AFAP1L1: variants seen among roughly 807,000 people sequenced by gnomAD.
AFAP1L1 encodes actin filament associated protein 1 like 1.
Under a neutral mutation model 99.8 loss-of-function variants are expected in AFAP1L1, and 77 were observed. That is an observed-to-expected ratio of 0.77 (90% CI 0.64 to 0.93). The LOEUF is 0.93. AFAP1L1 is among the 40% of genes least tolerant of loss of function. AFAP1L1 has a pLI of 0.00. For missense variants in AFAP1L1, 893 were observed against 996.8 expected, an observed-to-expected ratio of 0.90 and a Z score of 1.40; for synonymous variants, 373 against 395.3, an observed-to-expected ratio of 0.94 and a Z score of 0.67.
intron 5 of AFAP1L1, among the ~76,000 whole-genome samples, chr5:149,305,861 G>A (rs1756388860): frequency 6.9e-6 from 1 of 145,654 alleles, no homozygotes; most frequent in Non-Finnish European, 1.5e-5. Context: ...GCAAAAATCA[G>A]AGCTGCGACC....
chr5:149,341,551 T>A lies in AFAP1L1; in HGVS notation c.*1521T>A, dbSNP rs1335951783. ...GAAGATTTAATAAGATAATATATAG[T>A]AGGCATCTTGCATAGTGTCTGAGAA... On this transcript the variant is annotated 3_prime_UTR_variant, in exon 19 of 19. Transcript: ENST00000296721. 2 of 152,218 alleles carry A rather than the reference T, an allele frequency of 1.3e-5. No homozygotes were observed. The highest frequency in any genetic ancestry group is 2.9e-5 in the Non-Finnish European group (2 of 68,034). 9.4% of individuals were successfully genotyped at this position (152,218 alleles called of 1,614,324 possible). A position where few individuals can be genotyped will look rare whatever the true frequency, so the allele number is the denominator to read the frequency against.
At chr5:149,337,184 C>G (rs1311517000) in intron 18 of AFAP1L1, among the ~76,000 whole-genome samples, 1 of 152,056 alleles carries the variant, frequency 6.6e-6, no homozygotes, top group African/African-American at 2.4e-5. Flanking sequence ...TCAAAGGATA[C>G]AAAGTTTCAG....
chr5:149,305,316 A>G (rs368527093), intron 5 of AFAP1L1, among the ~76,000 whole-genome samples: 23 of 152,340 alleles, frequency 1.5e-4, no homozygotes, highest in African/African-American at 3.6e-4. Flanking sequence ...ATTGATCCCA[A>G]AGCACATGCT....
chr5:149,314,629 A>C lies in AFAP1L1; in HGVS notation c.1021-1192A>C, dbSNP rs547506931. ...GCCATAACTTCTGTTTCACCATTTG[A>C]AGAGGTGATTCTTTATTCTTGACAG... On this transcript the variant is annotated intron_variant, in intron 9 of 18. Coordinates refer to ENST00000296721, the MANE Select transcript of AFAP1L1 (RefSeq NM_152406.4). Among the ~76,000 whole-genome samples the C allele has an allele frequency of 5.9e-5, 9 of 152,300 alleles. No individual in the cohort carries two copies. In the East Asian group the frequency reaches 1.7e-3, roughly 29 times the overall value.
At chr5:149,313,922 C>T (rs1348914931) in intron 9 of AFAP1L1, among the ~76,000 whole-genome samples, 1 of 152,172 alleles carries the variant, frequency 6.6e-6, no homozygotes, top group South Asian at 2.1e-4. Context: ...AAGCATGGAA[C>T]TGAAAACGGC....
Position 149,322,693 on chromosome 5 carries a change from G to A in AFAP1L1, c.1786G>A (p.Val596Ile). The A allele has an allele frequency of 1.3e-6, 2 of 1,588,416 alleles. No homozygotes were observed. The highest frequency in any genetic ancestry group is 1.8e-5 in the Admixed American group (1 of 56,900). Residue 596 changes from valine (V) to isoleucine (I), a missense_variant, in exon 15 of 19, where the codon GTC becomes ATC. Transcript: ENST00000296721. ...GAAGTCCCATCGTGTGGACCCGCAG[G>A]TCAAAGTCAAACGCCACGCCTCCAG... ...SEKSHRVDPQ[V>I]KVKRHASSAN...
chr5:149,295,743 T>C (rs1191226204), intron 1 of AFAP1L1, among the ~76,000 whole-genome samples: 11 of 152,176 alleles, frequency 7.2e-5, no homozygotes, highest in Admixed American at 7.2e-4. Context: ...AGTTTTAAAG[T>C]GTAGCTAGGG....
chr5:149,313,061 G>C (rs1224576364), intron 9 of AFAP1L1, among the ~76,000 whole-genome samples: 1 of 151,864 alleles, frequency 6.6e-6, no homozygotes, highest in Non-Finnish European at 1.5e-5. Flanking sequence ...GGGAGGCAGA[G>C]GTTGTGGTGA....
At position 149,317,845 on chromosome 5, in the gene AFAP1L1, G is replaced by A. The variant is rs753270486; in HGVS notation, c.1384G>A (p.Ala462Thr). The A allele has an allele frequency of 2.1e-5, 33 of 1,609,612 alleles. No homozygotes were observed. Among genetic ancestry groups the A allele is most frequent in the South Asian group, 5.6e-5 (5 of 89,966 alleles). The change falls in exon 12 of 19, where the codon GCC becomes ACC. Residue 462 changes from alanine (A) to threonine (T), a missense_variant. Physicochemically the swap from Ala to Thr is moderately conservative, Grantham distance 58. Coordinates refer to ENST00000296721, the MANE Select transcript of AFAP1L1 (RefSeq NM_152406.4). ...CCTGCGAACCCATGTGAACGCCATCGCCCTGCAAGGCTGTGAGGTGGCCCC... is the reference window on the plus strand; with the variant it reads ...CCTGCGAACCCATGTGAACGCCATCACCCTGCAAGGCTGTGAGGTGGCCCC... ...MDLRTHVNAI[A>T]LQGCEVAPGF...
At chr5:149,333,247 A>G (rs1249504302) in intron 17 of AFAP1L1, among the ~76,000 whole-genome samples, 1 of 152,216 alleles carries the variant, frequency 6.6e-6, no homozygotes, top group Non-Finnish European at 1.5e-5. Context: ...CACAATCTTC[A>G]TGGCAGTCCT....
chr5:149,326,517 C>T (rs1757098668), intron 15 of AFAP1L1, among the ~76,000 whole-genome samples: 4 of 137,278 alleles, frequency 2.9e-5, no homozygotes, highest in South Asian at 2.3e-4. Context: ...CCAGCCTGGG[C>T]GACAGAGTGA....
In AFAP1L1 at chr5:149,299,586, GA is replaced by G; in HGVS notation, c.98del (p.Lys33ArgfsTer25). 1 of 1,614,130 alleles carries G rather than the reference GA, an allele frequency of 6.2e-7. No homozygotes were observed. The highest frequency in any genetic ancestry group is 8.5e-7 in the Non-Finnish European group (1 of 1,180,008). ...DHEYLSDTTL[E>X]KKMAVASILQ... ...CGAGTACCTCAGCGATACCACCCTG[GA>G]AAAGAAGATGGCCGTGGCCTCCATC... On this transcript the variant is annotated frameshift_variant, in exon 2 of 19. Transcript: ENST00000296721. LOFTEE classifies it high-confidence loss of function.
At chr5:149,321,722 C>CAAGAA (rs1756956385) in intron 14 of AFAP1L1, among the ~76,000 whole-genome samples, 1 of 63,768 alleles carries the variant, frequency 1.6e-5, no homozygotes, top group Non-Finnish European at 2.9e-5. Flanking sequence ...GACTCTGTCT[C>CAAGAA]AAAAAAAAAA....
At chr5:149,292,746 A>G (rs1478056765) in intron 1 of AFAP1L1, among the ~76,000 whole-genome samples, 1 of 152,180 alleles carries the variant, frequency 6.6e-6, no homozygotes, top group African/African-American at 2.4e-5. Context: ...GATGGAATTT[A>G]TTCGTGGTTC....
At chr5:149,280,677 C>A (rs1354063750) in intron 1 of AFAP1L1, among the ~76,000 whole-genome samples, 1 of 152,204 alleles carries the variant, frequency 6.6e-6, no homozygotes, top group Non-Finnish European at 1.5e-5. Context: ...CATGAAATGT[C>A]TCATTTTATC....
Position 149,312,408 on chromosome 5 carries a change from A to G in AFAP1L1, c.1020+204A>G, listed in dbSNP as rs936705504. Reference sequence around the variant, plus strand: ...ATGAACAAACGAGTGCTTATGCCCAAAGTGCAGTACAAGCCAGAGGAGGGA... The same window carrying G: ...ATGAACAAACGAGTGCTTATGCCCAGAGTGCAGTACAAGCCAGAGGAGGGA... On this transcript the variant is annotated intron_variant, in intron 9 of 18. Transcript: ENST00000296721. The G allele has an allele frequency of 3.9e-5, 25 of 639,388 alleles. No homozygotes were observed. The African/African-American group carries it at 4.3e-4, about 11-fold the overall frequency. 39.6% of individuals were successfully genotyped at this position (639,388 alleles called of 1,614,324 possible). A position where few individuals can be genotyped will look rare whatever the true frequency, so the allele number is the denominator to read the frequency against.
intron 7 of AFAP1L1, among the ~76,000 whole-genome samples, chr5:149,307,966 G>A (rs1045957917): frequency 2.0e-5 from 3 of 151,852 alleles, no homozygotes; most frequent in East Asian, 1.9e-4. Context: ...GACCAGCCTG[G>A]CCAACATGGT....
intron 1 of AFAP1L1, among the ~76,000 whole-genome samples, chr5:149,280,253 A>T (rs1399323471): frequency 6.6e-6 from 1 of 152,156 alleles, no homozygotes; most frequent in Non-Finnish European, 1.5e-5. Context: ...GTTGACTATT[A>T]TTGGGAAATA....
Position 149,316,286 on chromosome 5 carries a change from A to C in AFAP1L1, c.1250A>C (p.Glu417Ala), listed in dbSNP as rs761039727. The C allele has an allele frequency of 6.2e-7, 1 of 1,613,828 alleles. No individual in the cohort carries two copies. Among genetic ancestry groups the C allele is most frequent in the Non-Finnish European group, 8.5e-7 (1 of 1,179,932 alleles). ...GACCTGCAGACGTCCTCCACCGAGG[A>C]GGAGGTTCCCTGCTGTGGTGGGTCC... is the stretch of plus-strand genomic sequence containing the variant. ...ADDLQTSSTE[E>A]EVPCCGYLNV... Residue 417 changes from glutamate to alanine, a missense_variant, in exon 11 of 19, where the codon GAG (glutamate) becomes GCG (alanine). Coordinates refer to ENST00000296721, the MANE Select transcript of AFAP1L1 (RefSeq NM_152406.4).
Sources: allele counts gnomAD v4.1 joint callset (sites outside exome capture counted in the v4.1 genomes callset), GRCh38; gene constraint gnomAD v4.1.1; transcripts MANE v1.5; gene names NCBI Gene and HGNC (gene_info 2026-07-23, HGNC 2026-07-21).